The following CLASP1 variants were observed in gnomAD, a reference collection of about 807,000 sequenced individuals.
CLASP1 encodes the protein CLIP-associating protein 1.
A neutral mutation model predicts 192.3 loss-of-function variants in CLASP1; 38 were observed. The ratio of observed to expected loss-of-function variants is 0.20; its 90% CI spans 0.15 to 0.26. CLASP1 has a LOEUF of 0.26. Among genes scored for constraint, CLASP1 ranks in the 10% least tolerant of loss-of-function variants. The pLI, the probability that CLASP1 is intolerant of heterozygous loss-of-function variation, is 1.00. For missense variants in CLASP1, 1,433 were observed against 1,932.5 expected (o/e 0.74, Z 4.85); for synonymous variants, 691 against 712.8 (o/e 0.97, Z 0.49).
chr2:121,581,564 G>A (rs796162491), intron 2 of CLASP1, among the ~76,000 whole-genome samples: 1 of 151,940 alleles, frequency 6.6e-6, no homozygotes, highest in African/African-American at 2.4e-5. Context: ...ATGAGCCACC[G>A]CGCCCGGCCC....
intron 1 of CLASP1, among the ~76,000 whole-genome samples, chr2:121,640,178 C>T (rs535239978): frequency 2.7e-5 from 4 of 148,874 alleles, no homozygotes; most frequent in Non-Finnish European, 5.9e-5. Context: ...AATGAGAACA[C>T]TTGGACACAG....
Position 121,496,816 on chromosome 2 carries a change from G to A in CLASP1, c.712+6351C>T, listed in dbSNP as rs149621703. Among the ~76,000 whole-genome samples, 11 of 152,284 alleles carry A rather than the reference G, an allele frequency of 7.2e-5. No individual in the cohort carries two copies. In the East Asian group the frequency reaches 2.1e-3, roughly 29 times the overall value. On this transcript the variant is annotated intron_variant, in intron 8 of 39. Coordinates refer to ENST00000263710, the Ensembl canonical transcript of CLASP1. ...CTGCCCACACTTAACAGAGGGATCTGACATCATTTGGGATGCCAACAGATG... is the reference window on the plus strand; with the variant it reads ...CTGCCCACACTTAACAGAGGGATCTAACATCATTTGGGATGCCAACAGATG...
intron 3 of CLASP1, 112 bp downstream of exon 3, chr2:121,530,135 G>A (rs974443577): frequency 8.4e-6 from 7 of 832,716 alleles, no homozygotes; most frequent in Middle Eastern, 3.4e-4. Context: ...GGAGGGAGAG[G>A]GGGCTGGAGG....
At chr2:121,461,561 A>C (rs1298411766) in intron 10 of CLASP1, among the ~76,000 whole-genome samples, 1 of 152,198 alleles carries the variant, frequency 6.6e-6, no homozygotes, top group African/African-American at 2.4e-5. Flanking sequence ...AACAGTTTCA[A>C]ATCTACTTTC....
At chr2:121,554,612 T>C (rs1319466104) in intron 2 of CLASP1, among the ~76,000 whole-genome samples, 2 of 151,952 alleles carry the variant, frequency 1.3e-5, no homozygotes, top group African/African-American at 4.8e-5. Flanking sequence ...CCTGACCTTG[T>C]CTTAAAAAAA....
At chr2:121,448,014 G>A (rs17006477) in intron 18 of CLASP1, among the ~76,000 whole-genome samples, 7,844 of 152,276 alleles carry the variant, frequency 0.052, 681 homozygotes, top group African/African-American at 0.18. Context: ...TTGTGGCAAT[G>A]TCAACATGCA....
chr2:121,492,127 C>T (rs2093335245), intron 8 of CLASP1, among the ~76,000 whole-genome samples: 2 of 152,160 alleles, frequency 1.3e-5, no homozygotes, highest in South Asian at 2.1e-4. Context: ...GATTGGCTCA[C>T]GCCTGTAATC....
intron 19 of CLASP1, among the ~76,000 whole-genome samples, chr2:121,434,792 C>T (rs1158791823): frequency 1.3e-5 from 2 of 151,918 alleles, no homozygotes; most frequent in Non-Finnish European, 2.9e-5. Flanking sequence ...GAGTTAGAGA[C>T]CAGCCTGGGC....
At chr2:121,482,713 A>G (rs1247695566) in intron 8 of CLASP1, among the ~76,000 whole-genome samples, 1 of 152,156 alleles carries the variant, frequency 6.6e-6, no homozygotes, top group Non-Finnish European at 1.5e-5. Context: ...CTGAGCCCAC[A>G]GTATCATCTC....
intron 1 of CLASP1, among the ~76,000 whole-genome samples, chr2:121,620,956 G>A (rs1432165311): frequency 6.6e-6 from 1 of 152,068 alleles, no homozygotes; most frequent in Admixed American, 6.6e-5. Flanking sequence ...AGCCACGCAC[G>A]GTGGCTCACA....
At chr2:121,513,667 G>A (rs190864596) in intron 7 of CLASP1, among the ~76,000 whole-genome samples, 84 of 152,294 alleles carry the variant, frequency 5.5e-4, no homozygotes, top group Non-Finnish European at 1.0e-3. Flanking sequence ...AGGATACAAA[G>A]CACAATCAGC....
At chr2:121,613,338 T>C (rs1178146915) in intron 1 of CLASP1, among the ~76,000 whole-genome samples, 1 of 152,178 alleles carries the variant, frequency 6.6e-6, no homozygotes, top group East Asian at 1.9e-4. Context: ...AAGACAATTG[T>C]CCTAGTCATG....
At chr2:121,500,480 AAG>A (rs1462777616) in intron 8 of CLASP1, among the ~76,000 whole-genome samples, 3 of 149,914 alleles carry the variant, frequency 2.0e-5, no homozygotes, top group African/African-American at 7.6e-5. Flanking sequence ...GGAAGAAGAA[AAG>A]AGAAAAAGAG....
rs2067165659 is a variant in CLASP1 at position 121,365,287 on chromosome 2, G to A, written c.3887-3C>T. ...CAGGTCAGAATGGTCGATGGGCACT[G>A]GTGAAACACACCAGACATACGTCAC... On this transcript the variant is annotated splice_polypyrimidine_tract_variant and splice_region_variant and intron_variant, in intron 35 of 39. Coordinates refer to ENST00000263710, the Ensembl canonical transcript of CLASP1. 6.2e-7 allele frequency: 1 copy of A among 1,610,878 alleles called. No homozygotes were observed. Among genetic ancestry groups the A allele is most frequent in the Non-Finnish European group, 8.5e-7 (1 of 1,178,786 alleles).
At chr2:121,601,080 C>G (rs559856797) in intron 2 of CLASP1, among the ~76,000 whole-genome samples, 8 of 152,302 alleles carry the variant, frequency 5.3e-5, no homozygotes, top group African/African-American at 1.9e-4. Flanking sequence ...TTATTTGAGA[C>G]ACTAGATTTC....
At chr2:121,370,429 G>A (rs567722585) in intron 34 of CLASP1, among the ~76,000 whole-genome samples, 2 of 152,208 alleles carry the variant, frequency 1.3e-5, no homozygotes, top group Non-Finnish European at 2.9e-5. Flanking sequence ...AGGTTCAAGC[G>A]ATTCTCCTGC....
At chr2:121,427,008 GT>G (rs1394714729) in intron 21 of CLASP1, among the ~76,000 whole-genome samples, 1 of 151,518 alleles carries the variant, frequency 6.6e-6, no homozygotes, top group East Asian at 1.9e-4. Context: ...TTATATGTGT[GT>G]TTATTTTAAA....
chr2:121,597,049 C>A (rs903013718), intron 2 of CLASP1, among the ~76,000 whole-genome samples: 3 of 152,146 alleles, frequency 2.0e-5, no homozygotes, highest in African/African-American at 7.2e-5. Context: ...AGACACTGGG[C>A]CGGGACCGTA....
intron 8 of CLASP1, among the ~76,000 whole-genome samples, chr2:121,497,042 G>A (rs765475884): frequency 4.7e-5 from 7 of 150,260 alleles, no homozygotes; most frequent in Non-Finnish European, 1.0e-4. Flanking sequence ...CAAAGGTAGA[G>A]ATTAGACTGG....
Sources: gnomAD v4.1 joint callset for allele counts (sites outside exome capture counted in the v4.1 genomes callset) on GRCh38, gnomAD v4.1.1 for gene constraint, MANE v1.5 for transcripts, NCBI Gene and HGNC (gene_info 2026-07-23, HGNC 2026-07-21) for gene names.